CEP63: variants seen among roughly 807,000 people sequenced by gnomAD.
CEP63 encodes centrosomal protein of 63 kDa.
In CEP63, 84 loss-of-function variants were observed where a neutral mutation model predicts 89.1. That is an observed-to-expected ratio of 0.94 (90% CI 0.79 to 1.13). The LOEUF is 1.13. Among genes scored for constraint, CEP63 ranks in the 50% most tolerant of loss-of-function variants. The pLI, the probability that CEP63 is intolerant of heterozygous loss-of-function variation, is 0.00. For synonymous variants in CEP63, 267 were observed against 272.5 expected (o/e 0.98, Z 0.20); for missense variants, 838 against 813.3 (o/e 1.03, Z -0.37).
At chr3:134,526,599 G>T (rs572721963) in intron 3 of CEP63, among the ~76,000 whole-genome samples, 5 of 152,098 alleles carry the variant, frequency 3.3e-5, no homozygotes, top group African/African-American at 1.2e-4. Flanking sequence ...TTATATTTCT[G>T]TCATTTCAGC....
the CEP63 span, among the ~76,000 whole-genome samples, chr3:134,669,184 C>G: frequency 6.6e-6 from 1 of 151,784 alleles, no homozygotes; most frequent in Non-Finnish European, 1.5e-5. Context: ...TGCCCCTACA[C>G]GCGGCTTAAT....
the CEP63 span, among the ~76,000 whole-genome samples, chr3:134,763,021 C>G: frequency 2.0e-5 from 3 of 152,138 alleles, no homozygotes; most frequent in Admixed American, 2.0e-4. Flanking sequence ...AAGGCAGAGA[C>G]AGTTTGCCAA....
the CEP63 span, among the ~76,000 whole-genome samples, chr3:134,626,169 C>A: frequency 6.6e-6 from 1 of 152,048 alleles, no homozygotes; most frequent in African/African-American, 2.4e-5. Context: ...AAGTTGGGAC[C>A]AAAGAGGAAC....
chr3:134,709,962 T>G, the CEP63 span, among the ~76,000 whole-genome samples: 2 of 152,240 alleles, frequency 1.3e-5, no homozygotes, highest in African/African-American at 4.8e-5. Context: ...TCACTCTAAA[T>G]TCAGTTTTGT....
intron 2 of CEP63, among the ~76,000 whole-genome samples, chr3:134,500,527 T>A (rs565506142): frequency 1.3e-5 from 2 of 152,364 alleles, no homozygotes; most frequent in South Asian, 4.1e-4. Flanking sequence ...TCCAAACTGC[T>A]TTCCACAGGG....
chr3:134,637,612 C>T, the CEP63 span, among the ~76,000 whole-genome samples: 11 of 152,220 alleles, frequency 7.2e-5, no homozygotes, highest in African/African-American at 2.7e-4. Context: ...TAGGGTTCAA[C>T]AACAAATCTC....
At chr3:134,633,214 T>G in the CEP63 span, among the ~76,000 whole-genome samples, 2 of 152,046 alleles carry the variant, frequency 1.3e-5, no homozygotes, top group East Asian at 3.8e-4. Flanking sequence ...ATAGGATCTT[T>G]CGTAAAACAG....
intron 3 of CEP63, among the ~76,000 whole-genome samples, chr3:134,524,733 A>G (rs904309817): frequency 6.6e-6 from 1 of 152,172 alleles, no homozygotes; most frequent in African/African-American, 2.4e-5. Context: ...GATGAAGCCT[A>G]CTTGACTGTG....
the CEP63 span, among the ~76,000 whole-genome samples, chr3:134,740,638 T>C: frequency 6.6e-6 from 1 of 152,286 alleles, no homozygotes; most frequent in African/African-American, 2.4e-5. Context: ...CTTGGATTCT[T>C]ACCTCTCCGT....
the CEP63 span, among the ~76,000 whole-genome samples, chr3:134,754,152 T>C: frequency 3.9e-5 from 6 of 152,156 alleles, no homozygotes; most frequent in African/African-American, 1.4e-4. Flanking sequence ...CCTCCTGCCT[T>C]GGCTTGGCTG....
chr3:134,574,695 C>T lies in CEP63; in HGVS notation c.1330-98C>T, dbSNP rs1958152296. On this transcript the variant is annotated intron_variant, in intron 11 of 11. Transcript: ENST00000354446. ...CAGTCACGGCTTACTGCAACCTCCACCTCCTGGGCTCAACTGATCCACCTC... is the reference window on the plus strand; with the variant it reads ...CAGTCACGGCTTACTGCAACCTCCATCTCCTGGGCTCAACTGATCCACCTC... 5 of 449,164 alleles carry T rather than the reference C, an allele frequency of 1.1e-5. No individual in the cohort carries two copies. The South Asian group carries it at 2.3e-4, about 20-fold the overall frequency. The allele number at this position is 449,164 out of a possible 1,614,324, so 27.8% of individuals were successfully genotyped here.
At chr3:134,676,501 CAGT>C in the CEP63 span, among the ~76,000 whole-genome samples, 1 of 152,126 alleles carries the variant, frequency 6.6e-6, no homozygotes, top group African/African-American at 2.4e-5. Flanking sequence ...TGAAGTTAGA[CAGT>C]GGTGATAGTT....
the CEP63 span, among the ~76,000 whole-genome samples, chr3:134,594,790 A>G: frequency 6.6e-6 from 1 of 152,250 alleles, no homozygotes; most frequent in African/African-American, 2.4e-5. Context: ...TCAAAAATTT[A>G]CTGATCACTT....
intron 3 of CEP63, among the ~76,000 whole-genome samples, chr3:134,516,360 G>A (rs1205077205): frequency 3.3e-5 from 5 of 152,278 alleles, no homozygotes; most frequent in East Asian, 1.9e-4. Context: ...ACATACAATC[G>A]GGTTTTATAC....
At chr3:134,556,942 G>T (rs1956295111) in intron 12 of CEP63, among the ~76,000 whole-genome samples, 2 of 152,238 alleles carry the variant, frequency 1.3e-5, no homozygotes, top group Admixed American at 6.5e-5. Flanking sequence ...TGAAAACCTT[G>T]TCAGCAGTTT....
In CEP63 at chr3:134,550,225, A is replaced by T. The variant is rs1281658517; in HGVS notation, c.1345A>T (p.Met449Leu). 5 of 1,614,086 alleles carry T rather than the reference A, an allele frequency of 3.1e-6. No individual in the cohort carries two copies. The African/African-American group carries it at 6.7e-5, about 22-fold the overall frequency. ...SDMEKRLRAE[M>L]QKAEDKAVEH... ...CATGGAAAAGCGACTCAGAGCAGAG[A>T]TGCAAAAGGCAGAAGACAAAGCAGT... Residue 449 changes from methionine (M) to leucine (L), a missense_variant, in exon 11 of 15, where the codon ATG (methionine) becomes TTG (leucine). Coordinates refer to ENST00000675561, the MANE Select transcript of CEP63 (RefSeq NM_001353108.3).
chr3:134,487,321 A>G (rs760091004), intron 1 of CEP63, among the ~76,000 whole-genome samples: 1 of 152,200 alleles, frequency 6.6e-6, no homozygotes, highest in African/African-American at 2.4e-5. Flanking sequence ...ATCAGTGATC[A>G]GGGTAGTAAA....
downstream of CEP63, among the ~76,000 whole-genome samples, chr3:134,576,632 G>T (rs1958219946): frequency 6.6e-6 from 1 of 152,244 alleles, no homozygotes; most frequent in African/African-American, 2.4e-5. Context: ...TGTGGACTAT[G>T]ATCCTAATTC....
chr3:134,683,150 A>G, the CEP63 span, among the ~76,000 whole-genome samples: 1 of 152,260 alleles, frequency 6.6e-6, no homozygotes, highest in Non-Finnish European at 1.5e-5. Flanking sequence ...AGCAAATGAC[A>G]TATCTGCACC....
Sources: allele counts gnomAD v4.1 joint callset (sites outside exome capture counted in the v4.1 genomes callset), GRCh38; gene constraint gnomAD v4.1.1; transcripts MANE v1.5; gene names NCBI Gene and HGNC (gene_info 2026-07-23, HGNC 2026-07-21).